The following ANK3 variants were observed in gnomAD, a reference collection of about 807,000 sequenced individuals.
The protein encoded by ANK3 is ankyrin 3.
In ANK3, 57 loss-of-function variants were observed where a neutral mutation model predicts 370.9. That is an observed-to-expected ratio of 0.15 (90% CI 0.12 to 0.19). The LOEUF is 0.19. Among genes scored for constraint, ANK3 ranks in the 10% least tolerant of loss-of-function variants. The probability of loss-of-function intolerance (pLI) is 1.00; values close to 1 mark genes in which losing one functional copy is unlikely to be tolerated. For synonymous variants in ANK3, 1,929 were observed against 1,946.3 expected (o/e 0.99, Z 0.23); for missense variants, 4,439 against 5,302.1 (o/e 0.84, Z 5.06).
At chr10:60,196,714 A>C (rs1024504219) in intron 14 of ANK3, 89 bp from the exon 15 acceptor site, 12 of 800,364 alleles carry the variant, frequency 1.5e-5, no homozygotes, top group African/African-American at 1.4e-4. Flanking sequence ...CAAACAAACA[A>C]AAAGATATGA....
At position 60,263,903 on chromosome 10, in the gene ANK3, G is replaced by T; in HGVS notation, c.631C>A (p.Arg211=). Residue 211 remains arginine, a synonymous_variant, in exon 6 of 44, where the codon CGA becomes AGA. Transcript: ENST00000280772. ...VRLPALHIAA[R]KDDTKAAALL... The stretch of plus-strand genomic sequence containing the variant: ...GCGGCGGCTTTCGTGTCGTCTTTTC[G>T]GGCCGCGATATGAAGAGCTGGGAGA... 6.2e-7 allele frequency: 1 copy of T among 1,613,950 alleles called. No individual in the cohort carries two copies. Among genetic ancestry groups the T allele is most frequent in the Non-Finnish European group, 8.5e-7 (1 of 1,179,992 alleles).
At chr10:60,147,338 G>C (rs1333527174) in intron 23 of ANK3, among the ~76,000 whole-genome samples, 1 of 152,156 alleles carries the variant, frequency 6.6e-6, no homozygotes, top group Non-Finnish European at 1.5e-5. Flanking sequence ...TTCACTTCCT[G>C]CCCCCTTCAC....
At chr10:60,691,304 AAAAAGAAAAG>A (rs906502320) in intron 1 of ANK3, among the ~76,000 whole-genome samples, 4 of 152,196 alleles carry the variant, frequency 2.6e-5, no homozygotes, top group Non-Finnish European at 4.4e-5. Flanking sequence ...ATGAAATTTG[AAAAAGAAAAG>A]AAAAGAAAAT....
chr10:60,056,738 T>C (rs1240262198), intron 41 of ANK3, among the ~76,000 whole-genome samples: 1 of 151,900 alleles, frequency 6.6e-6, no homozygotes, highest in African/African-American at 2.4e-5. Flanking sequence ...AAAAATAAAC[T>C]GCTGGCCGGA....
intron 1 of ANK3, among the ~76,000 whole-genome samples, chr10:60,322,207 C>A (rs1035213506): frequency 3.3e-5 from 5 of 152,022 alleles, no homozygotes; most frequent in African/African-American, 1.2e-4. Flanking sequence ...TGGCTATAGA[C>A]CTCACTATAC....
chr10:60,083,391 G>T, intron 33 of ANK3, 101 bp downstream of exon 33: 1 of 1,246,798 alleles, frequency 8.0e-7, no homozygotes, highest in Non-Finnish European at 1.1e-6. Flanking sequence ...CAGATTTGAC[G>T]GGGTATTTCA....
chr10:60,072,913 T>C lies in ANK3; in HGVS notation c.7968A>G (p.Gly2656=). The C allele has an allele frequency of 6.2e-7, 1 of 1,614,090 alleles. No individual in the cohort carries two copies. Among genetic ancestry groups the C allele is most frequent in the Non-Finnish European group, 8.5e-7 (1 of 1,180,014 alleles). ...TCTCCTCGGCCTTGGGGAAGCCTTG[T>C]CCATCAGGGCCATGCTGTCTTGCCT... ...WVKARQHGPD[G]QGFPKAEEKA... Residue 2656 remains glycine (G), a synonymous_variant, in exon 37 of 44, where the codon GGA becomes GGG. Transcript: ENST00000280772.
intron 2 of ANK3, among the ~76,000 whole-genome samples, chr10:60,450,133 C>CA (rs781205451): frequency 2.5e-4 from 38 of 151,958 alleles, no homozygotes; most frequent in Non-Finnish European, 5.0e-4. Flanking sequence ...CCCATATCTA[C>CA]AAAAAATAAA....
At chr10:60,067,359 A>G (rs902546577) in intron 38 of ANK3, among the ~76,000 whole-genome samples, 2 of 152,194 alleles carry the variant, frequency 1.3e-5, no homozygotes, top group Admixed American at 6.5e-5. Context: ...TATCGAAGTG[A>G]TATAAGATTT....
At chr10:60,136,682 C>A (rs1480227004) in intron 24 of ANK3, among the ~76,000 whole-genome samples, 3 of 152,186 alleles carry the variant, frequency 2.0e-5, no homozygotes, top group Non-Finnish European at 4.4e-5. Context: ...TGGGAGCTAT[C>A]AACCGAAAGG....
intron 1 of ANK3, among the ~76,000 whole-genome samples, chr10:60,290,984 A>G (rs2041241503): frequency 6.6e-6 from 1 of 152,294 alleles, no homozygotes; most frequent in South Asian, 2.1e-4. Context: ...TTACATCAAA[A>G]GGAGGATCTA....
At chr10:60,223,820 A>G (rs1226489320) in intron 8 of ANK3, among the ~76,000 whole-genome samples, 1 of 152,176 alleles carries the variant, frequency 6.6e-6, no homozygotes, top group Non-Finnish European at 1.5e-5. Context: ...AATTTGTTCT[A>G]AATAAGATTT....
At chr10:60,097,517 A>G (rs997743798) in intron 28 of ANK3, among the ~76,000 whole-genome samples, 4 of 152,226 alleles carry the variant, frequency 2.6e-5, no homozygotes, top group Admixed American at 1.3e-4. Context: ...GTGGGACAGC[A>G]TTCTCTGTGA....
At chr10:60,084,100 C>T (rs1417425671) in intron 32 of ANK3, 1 of 153,434 alleles carries the variant, frequency 6.5e-6, no homozygotes, top group Non-Finnish European at 1.4e-5. Context: ...TAAGACAGCC[C>T]CAGAGACACT....
chr10:60,619,745 G>A (rs1423144133), intron 1 of ANK3, among the ~76,000 whole-genome samples: 12 of 152,164 alleles, frequency 7.9e-5, no homozygotes, highest in Admixed American at 7.9e-4. Flanking sequence ...AGTAATGGAA[G>A]CAACAGAACC....
chr10:60,356,857 C>T (rs1037861814), intron 1 of ANK3, among the ~76,000 whole-genome samples: 2 of 152,132 alleles, frequency 1.3e-5, no homozygotes, highest in African/African-American at 4.8e-5. Context: ...TACATGTATG[C>T]ACCACCACGC....
intron 25 of ANK3, among the ~76,000 whole-genome samples, chr10:60,120,573 A>C (rs534826729): frequency 5.4e-4 from 82 of 152,296 alleles, no homozygotes; most frequent in Non-Finnish European, 9.3e-4. Flanking sequence ...CCATCTGACA[A>C]GGGATTAATA....
chr10:60,134,461 G>T, intron 24 of ANK3, 88 bp from the exon 25 acceptor site: 3 of 896,050 alleles, frequency 3.3e-6, no homozygotes, highest in Non-Finnish European at 1.7e-6. Context: ...TTAAGAACAG[G>T]CAAGATGGCT....
At position 60,073,867 on chromosome 10, in the gene ANK3, G is replaced by A. The variant is rs1452310640; in HGVS notation, c.7014C>T (p.Asn2338=). 6.2e-7 allele frequency: 1 copy of A among 1,613,490 alleles called. No homozygotes were observed. The highest frequency in any genetic ancestry group is 8.5e-7 in the Non-Finnish European group (1 of 1,179,992). Residue 2338 remains asparagine, a synonymous_variant, in exon 37 of 44, where the codon AAC becomes AAT. Transcript: ENST00000280772. ...TAATGACTTCAGTGGGCTCAGCTTGGTTACCTTTTTCGATGTGGACTTCTA... is the reference window on the plus strand; with the variant it reads ...TAATGACTTCAGTGGGCTCAGCTTGATTACCTTTTTCGATGTGGACTTCTA... The part of the protein sequence containing the change: ...RIIEVHIEKG[N]QAEPTEVIIR...
Sources: gnomAD v4.1 joint callset for allele counts (sites outside exome capture counted in the v4.1 genomes callset) on GRCh38, gnomAD v4.1.1 for gene constraint, MANE v1.5 for transcripts, NCBI Gene and HGNC (gene_info 2026-07-23, HGNC 2026-07-21) for gene names.